The following MACROD1 variants were observed in gnomAD, a reference collection of about 807,000 sequenced individuals.
MACROD1 encodes the protein ADP-ribose glycohydrolase MACROD1.
In MACROD1, 31 loss-of-function variants were observed where a neutral mutation model predicts 41.4. The observed-to-expected ratio is 0.75, with a 90% CI of 0.56 to 1.01. The LOEUF is 1.01. Ranked by LOEUF, MACROD1 falls within the 50% of genes least tolerant of loss-of-function variation. The pLI, the probability that MACROD1 is intolerant of heterozygous loss-of-function variation, is 0.00. For synonymous variants in MACROD1, 252 were observed against 203.4 expected (o/e 1.24, Z -2.03); for missense variants, 473 against 460.0 (o/e 1.03, Z -0.26).
intron 4 of MACROD1, among the ~76,000 whole-genome samples, chr11:64,008,444 G>C (rs2134329420): frequency 1.9e-5 from 1 of 53,920 alleles, no homozygotes; most frequent in South Asian, 6.0e-4. Flanking sequence ...AGGGAGTGTT[G>C]TCCACCTGGC....
chr11:64,053,153 CAGACGG>C (rs1398693194), intron 3 of MACROD1, among the ~76,000 whole-genome samples: 2 of 152,182 alleles, frequency 1.3e-5, no homozygotes, highest in Non-Finnish European at 2.9e-5. Flanking sequence ...ATGCGGGCCC[CAGACGG>C]AGAGCTGGGG....
Position 64,036,009 on chromosome 11 carries a change from C to G in MACROD1, c.518-20728G>C, listed in dbSNP as rs1037063016. ...GCGCCCCCCGCTCCGGGCCCGCCACCGTGCTCTGCCGCGCGCCGGGGGCTC... is the reference window on the plus strand; with the variant it reads ...GCGCCCCCCGCTCCGGGCCCGCCACGGTGCTCTGCCGCGCGCCGGGGGCTC... On this transcript the variant is annotated intron_variant, in intron 3 of 10. Coordinates refer to ENST00000255681, the MANE Select transcript of MACROD1 (RefSeq NM_014067.4). The surrounding 1 kb of genome is among the most constrained non-coding windows in gnomAD (Gnocchi z 5.6). The G allele has an allele frequency of 1.3e-4, 19 of 150,988 alleles. No individual in the cohort carries two copies. The highest frequency in any genetic ancestry group is 7.9e-4 in the Admixed American group (12 of 15,138). 9.4% of individuals were successfully genotyped at this position (150,988 alleles called of 1,614,324 possible).
chr11:64,165,178 T>G (rs1435879533), intron 1 of MACROD1, among the ~76,000 whole-genome samples: 1 of 152,176 alleles, frequency 6.6e-6, no homozygotes, highest in Non-Finnish European at 1.5e-5. Flanking sequence ...GGAAGGTCAC[T>G]CTGTGAGGTT....
intron 3 of MACROD1, among the ~76,000 whole-genome samples, chr11:64,048,608 G>A (rs915062179): frequency 1.3e-5 from 2 of 152,168 alleles, no homozygotes; most frequent in Non-Finnish European, 2.9e-5. Flanking sequence ...CAGCCCCAGC[G>A]GAATTCTTAC....
At chr11:64,061,873 C>CTTT (rs57666180) in intron 3 of MACROD1, among the ~76,000 whole-genome samples, 174 of 99,100 alleles carry the variant, frequency 1.8e-3, no homozygotes, top group Non-Finnish European at 2.3e-3. Context: ...ACCACGCTGG[C>CTTT]TTTTTTTTTT....
intron 3 of MACROD1, among the ~76,000 whole-genome samples, chr11:64,078,122 G>A (rs899843441): frequency 2.6e-5 from 4 of 152,220 alleles, no homozygotes; most frequent in Admixed American, 2.0e-4. Flanking sequence ...GGGGCTGCAG[G>A]CAGCACTCCT....
At chr11:64,148,690 C>T in intron 3 of MACROD1, 1 of 962,638 alleles carries the variant, frequency 1.0e-6, no homozygotes, top group Non-Finnish European at 1.2e-6. Context: ...ATGAATTAAG[C>T]ACATATGGGT....
rs1405254448 is a variant in MACROD1, at chr11:64,013,813, G to A, written c.547+1439C>T. On this transcript the variant is annotated intron_variant, in intron 4 of 10. Coordinates refer to ENST00000255681, the MANE Select transcript of MACROD1 (RefSeq NM_014067.4). ...GAGCCTCCCTCTCCTCCACTTCCAG[G>A]CCTTTGCCTGCGCTGTTCCCTCTGC... 3.3e-5 allele frequency among the ~76,000 whole-genome samples: 5 copies of A among 152,144 alleles called. No homozygotes were observed. The South Asian group carries it at 1.0e-3, about 32-fold the overall frequency.
chr11:64,163,601 G>A (rs909810579), intron 1 of MACROD1, among the ~76,000 whole-genome samples: 2 of 152,172 alleles, frequency 1.3e-5, no homozygotes, highest in Non-Finnish European at 2.9e-5. Context: ...GTGACCAACC[G>A]AGGCCTCTCA....
At chr11:64,047,472 G>A (rs1943606625) in intron 3 of MACROD1, among the ~76,000 whole-genome samples, 2 of 152,154 alleles carry the variant, frequency 1.3e-5, no homozygotes, top group African/African-American at 4.8e-5. Flanking sequence ...AGCAGGTGGA[G>A]GAGTGACCAG....
intron 3 of MACROD1, chr11:64,149,105 G>A: frequency 5.0e-6 from 4 of 801,646 alleles, no homozygotes; most frequent in Non-Finnish European, 6.0e-6. Flanking sequence ...AGGGGGAGGT[G>A]AAAGCTGATC....
intron 3 of MACROD1, among the ~76,000 whole-genome samples, chr11:64,083,897 G>C (rs545050169): frequency 6.6e-6 from 1 of 152,366 alleles, no homozygotes; most frequent in Admixed American, 6.5e-5. Flanking sequence ...CAGCGTGCAG[G>C]CGGGCGTGCG....
At chr11:64,098,207 C>T in intron 3 of MACROD1, among the ~76,000 whole-genome samples, 1 of 152,226 alleles carries the variant, frequency 6.6e-6, no homozygotes, top group Non-Finnish European at 1.5e-5. Flanking sequence ...CACAGCCTCC[C>T]CCCTGCCCTT....
chr11:64,053,984 G>A (rs779383391), intron 3 of MACROD1, among the ~76,000 whole-genome samples: 1 of 152,120 alleles, frequency 6.6e-6, no homozygotes, highest in African/African-American at 2.4e-5. Flanking sequence ...CGTGCTGGGC[G>A]CTCTGCACTG....
At chr11:64,016,455 C>T (rs756190304) in intron 3 of MACROD1, among the ~76,000 whole-genome samples, 1 of 152,238 alleles carries the variant, frequency 6.6e-6, no homozygotes, top group Admixed American at 6.5e-5. Context: ...CACAGCTTTG[C>T]TACCCACCCC....
chr11:64,098,976 G>A (rs866932911), intron 3 of MACROD1, among the ~76,000 whole-genome samples: 1 of 152,240 alleles, frequency 6.6e-6, no homozygotes, highest in African/African-American at 2.4e-5. Flanking sequence ...ATATCAGAGA[G>A]CTCCGATCTT....
At chr11:64,001,902 C>T (rs1942832368) in intron 4 of MACROD1, 14 of 633,406 alleles carry the variant, frequency 2.2e-5, no homozygotes, top group Non-Finnish European at 4.0e-5. Flanking sequence ...ATGTGTGACC[C>T]CTCACATATC....
chr11:64,057,573 C>G (rs1943812866), intron 3 of MACROD1, among the ~76,000 whole-genome samples: 1 of 152,210 alleles, frequency 6.6e-6, no homozygotes, highest in Admixed American at 6.5e-5. Context: ...GGCTGGCATC[C>G]TGAGGCCATC....
intron 3 of MACROD1, among the ~76,000 whole-genome samples, chr11:64,141,699 A>C (rs1283532739): frequency 6.6e-6 from 1 of 152,224 alleles, no homozygotes; most frequent in Non-Finnish European, 1.5e-5. Context: ...CGGGGACGCA[A>C]GCAGGGGCAC....
Sources: gnomAD v4.1 joint callset for allele counts (sites outside exome capture counted in the v4.1 genomes callset) on GRCh38, gnomAD v4.1.1 for gene constraint, Gnocchi (gnomAD v3.1) non-coding constraint, MANE v1.5 for transcripts, NCBI Gene and HGNC (gene_info 2026-07-23, HGNC 2026-07-21) for gene names.